The following BAZ1A variants were observed in gnomAD, a reference collection of about 807,000 sequenced individuals.
The protein encoded by BAZ1A is bromodomain adjacent to zinc finger domain protein 1A.
In BAZ1A, 50 loss-of-function variants were observed where a neutral mutation model predicts 185.2. That is an observed-to-expected ratio of 0.27 (90% CI 0.22 to 0.34). The LOEUF is 0.34. BAZ1A is among the 10% of genes least tolerant of loss of function. BAZ1A has a pLI of 1.00. For synonymous variants in BAZ1A, 571 were observed against 615.6 expected (o/e 0.93, Z 1.07); for missense variants, 1,356 against 1,839.9 (o/e 0.74, Z 4.81).
At position 34,764,838 on chromosome 14, in the gene BAZ1A, A is replaced by G. The variant is rs753081429; in HGVS notation, c.3645T>C (p.Asp1215=). 1 of 1,614,088 alleles carries G rather than the reference A, an allele frequency of 6.2e-7. No homozygotes were observed. The highest frequency in any genetic ancestry group is 1.7e-5 in the Admixed American group (1 of 60,004). ...SSRQRPSLES[D]EDVEDSMGGE... ...CTCCCATACTGTCTTCCACATCTTC[A>G]TCACTTTCCAAGGATGGTCTCTGTC... The change falls in exon 23 of 27, where the codon GAT becomes GAC. Residue 1215 remains aspartate (D), a synonymous_variant. Transcript: ENST00000360310.
At chr14:34,873,001 C>T (rs1385809756) in intron 2 of BAZ1A, among the ~76,000 whole-genome samples, 1 of 139,090 alleles carries the variant, frequency 7.2e-6, no homozygotes, top group Non-Finnish European at 1.5e-5. Flanking sequence ...ATTTGAGTAA[C>T]AAAACAAGTC....
intron 3 of BAZ1A, among the ~76,000 whole-genome samples, chr14:34,833,157 G>C (rs1273765220): frequency 2.0e-5 from 3 of 152,060 alleles, no homozygotes; most frequent in African/African-American, 7.2e-5. Context: ...TGGGAAGATC[G>C]CTTGAGCCTG....
At chr14:34,754,426 A>AAGAAAAAAG (rs1555336279) in intron 26 of BAZ1A, among the ~76,000 whole-genome samples, 1 of 122,838 alleles carries the variant, frequency 8.1e-6, no homozygotes. Context: ...TCAAAAAAAA[A>AAGAAAAAAG]AAAAAAGAAA....
At chr14:34,860,270 G>A (rs1481488647) in intron 3 of BAZ1A, among the ~76,000 whole-genome samples, 1 of 152,062 alleles carries the variant, frequency 6.6e-6, no homozygotes, top group Non-Finnish European at 1.5e-5. Flanking sequence ...CACTTTGGGA[G>A]GCCAAGGCAG....
At chr14:34,842,358 C>A (rs1037427612) in intron 3 of BAZ1A, among the ~76,000 whole-genome samples, 1 of 152,086 alleles carries the variant, frequency 6.6e-6, no homozygotes, top group African/African-American at 2.4e-5. Flanking sequence ...CATCTGCTAG[C>A]AAAATACTAG....
At chr14:34,786,952 G>A (rs1411473243) in intron 12 of BAZ1A, among the ~76,000 whole-genome samples, 1 of 151,906 alleles carries the variant, frequency 6.6e-6, no homozygotes, top group Non-Finnish European at 1.5e-5. Context: ...AGTATAGGTT[G>A]TAGCCATCAC....
chr14:34,843,456 G>A (rs1161786218), intron 3 of BAZ1A, among the ~76,000 whole-genome samples: 2 of 152,122 alleles, frequency 1.3e-5, no homozygotes, highest in Non-Finnish European at 2.9e-5. Context: ...TAGGTCACAT[G>A]GAAGTGGACT....
At chr14:34,805,402 G>A (rs1881801683) in intron 6 of BAZ1A, among the ~76,000 whole-genome samples, 1 of 152,132 alleles carries the variant, frequency 6.6e-6, no homozygotes, top group Non-Finnish European at 1.5e-5. Context: ...AATATTTGCT[G>A]ATGTCTTTCA....
At chr14:34,794,251 T>C (rs376435783) in intron 11 of BAZ1A, among the ~76,000 whole-genome samples, 24 of 152,358 alleles carry the variant, frequency 1.6e-4, no homozygotes, top group African/African-American at 4.8e-4. Flanking sequence ...TCTTTCCTTA[T>C]ACTATACTCA....
chr14:34,831,833 A>G (rs1322849318), intron 3 of BAZ1A, among the ~76,000 whole-genome samples: 1 of 152,144 alleles, frequency 6.6e-6, no homozygotes, highest in Non-Finnish European at 1.5e-5. Context: ...GAAAAAAAAG[A>G]CTCAAATTAC....
Position 34,776,109 on chromosome 14 carries a change from C to G in BAZ1A, c.2643G>C (p.Gln881His). Residue 881 changes from glutamine to histidine, a missense_variant, in exon 18 of 27, where the codon CAG becomes CAC. Physicochemically the swap from Gln to His is conservative, Grantham distance 24. Coordinates refer to ENST00000360310, the MANE Select transcript of BAZ1A (RefSeq NM_013448.3). The stretch of plus-strand genomic sequence containing the variant: ...TTGGCTTATGCACTGGTTTTGGCAG[C>G]TGCACAGAATGGTCACGTGGACCTT... ...IDQGPRDHSV[Q>H]LPKPVHKPNR... The G allele has an allele frequency of 6.2e-7, 1 of 1,614,210 alleles. No homozygotes were observed. Among genetic ancestry groups the G allele is most frequent in the Non-Finnish European group, 8.5e-7 (1 of 1,180,036 alleles).
Position 34,872,941 on chromosome 14 carries a change from A to AAAAAAAAAC in BAZ1A, c.113+1550_113+1551insGTTTTTTTT, listed in dbSNP as rs1555346584. ...AAAAAAAAAAAAAAAAAAAAAAAAA[A>AAAAAAAAAC]CTTGTCCAATTACCTAATCCAAGTT... On this transcript the variant is annotated intron_variant, in intron 2 of 26. Transcript: ENST00000360310. Among the ~76,000 whole-genome samples, 63 of 122,680 alleles carry AAAAAAAAAC rather than the reference A, an allele frequency of 5.1e-4. 3 individuals carry two copies. Among genetic ancestry groups the AAAAAAAAAC allele is most frequent in the African/African-American group, 1.9e-3 (60 of 30,818 alleles). The allele number at this position is 122,680 out of a possible 152,430, so 80.5% of individuals were successfully genotyped here. A position where few individuals can be genotyped will look rare whatever the true frequency, so the allele number is the denominator to read the frequency against.
rs6571687 is a variant in BAZ1A, at chr14:34,754,028, G to A, written c.4475-324C>T. Among the ~76,000 whole-genome samples the A allele has an allele frequency of 8.7e-3, 1,319 of 151,986 alleles. 20 individuals are homozygous for A. Among genetic ancestry groups the A allele is most frequent in the African/African-American group, 0.03 (1,227 of 41,458 alleles). ...AGCACTTTGGGAGGCCGAGGCAGAC[G>A]GATCACCTGAGGTCAGGAGTTCGAC... is the stretch of plus-strand genomic sequence containing the variant. On this transcript the variant is annotated intron_variant, in intron 26 of 26. Coordinates refer to ENST00000360310, the MANE Select transcript of BAZ1A (RefSeq NM_013448.3).
intron 3 of BAZ1A, among the ~76,000 whole-genome samples, chr14:34,857,444 A>G (rs956482960): frequency 2.6e-5 from 4 of 152,212 alleles, no homozygotes; most frequent in African/African-American, 9.7e-5. Context: ...GCTAAGGGAC[A>G]ATAGACATGA....
At chr14:34,795,439 C>T (rs1165812691) in intron 10 of BAZ1A, among the ~76,000 whole-genome samples, 5 of 152,312 alleles carry the variant, frequency 3.3e-5, no homozygotes, top group Middle Eastern at 3.4e-3. Flanking sequence ...TTAAGGATCA[C>T]ACAAACTGAC....
chr14:34,775,810 T>C, intron 18 of BAZ1A, 109 bp downstream of exon 18: 1 of 793,484 alleles, frequency 1.3e-6, no homozygotes, highest in South Asian at 1.8e-5. Context: ...AAATCAAAGA[T>C]AAGGTGTTGT....
Position 34,820,793 on chromosome 14 carries a change from T to C in BAZ1A, c.536+5220A>G, listed in dbSNP as rs1281125066. Among the ~76,000 whole-genome samples the C allele has an allele frequency of 2.0e-5, 3 of 152,168 alleles. No individual in the cohort carries two copies. The East Asian group carries it at 5.8e-4, about 29-fold the overall frequency. On this transcript the variant is annotated intron_variant, in intron 4 of 26. Transcript: ENST00000360310. ...TTTTACATGTAGATATCCAGGTTTT[T>C]CTAGCACTACTGATTGAAAAGACTA...
At chr14:34,803,686 T>A (rs1256050589) in intron 6 of BAZ1A, among the ~76,000 whole-genome samples, 1 of 152,188 alleles carries the variant, frequency 6.6e-6, no homozygotes. Context: ...TATTTAACAT[T>A]AAAAATCTAC....
At position 34,807,520 on chromosome 14, in the gene BAZ1A, A is replaced by C; in HGVS notation, c.657T>G (p.Phe219Leu). Residue 219 changes from phenylalanine to leucine, a missense_variant, in exon 6 of 27, where the codon TTT becomes TTG. Transcript: ENST00000360310. ...GAAAAAGCTTTAGTTTATCACGAGA[A>C]AATAGGTGTTTTCTCCGGCTACAGG... is the stretch of plus-strand genomic sequence containing the variant. ...ATQISRRKHL[F>L]SRDKLKLFLK... is the part of the protein sequence containing the mutation. 4 of 1,613,046 alleles carry C rather than the reference A, an allele frequency of 2.5e-6. No individual in the cohort carries two copies. The highest frequency in any genetic ancestry group is 3.4e-6 in the Non-Finnish European group (4 of 1,179,344).
Sources: allele counts gnomAD v4.1 joint callset (sites outside exome capture counted in the v4.1 genomes callset), GRCh38; gene constraint gnomAD v4.1.1; transcripts MANE v1.5; gene names NCBI Gene and HGNC (gene_info 2026-07-23, HGNC 2026-07-21).